Variants in ACCSL observed in about 807,000 individuals in gnomAD.
ACCSL encodes probable inactive 1-aminocyclopropane-1-carboxylate synthase-like protein 2.
In ACCSL, 55 loss-of-function variants were observed where a neutral mutation model predicts 61.7. That is an observed-to-expected ratio of 0.89 (90% confidence interval 0.72 to 1.12). The LOEUF is 1.12. ACCSL is among the 50% of genes most tolerant of loss of function. The pLI, the probability that ACCSL is intolerant of heterozygous loss-of-function variation, is 0.00. For missense variants in ACCSL, 632 were observed against 698.0 expected (o/e 0.91, Z 1.07); for synonymous variants, 258 against 264.3 (o/e 0.98, Z 0.23).
At chr11:44,054,162 C>G (rs1952656654) in intron 8 of ACCSL, among the ~76,000 whole-genome samples, 1 of 152,204 alleles carries the variant, frequency 6.6e-6, no homozygotes, top group Non-Finnish European at 1.5e-5. Flanking sequence ...GAGGAAGACA[C>G]TTTCAGACCT....
chr11:44,043,166 A>G (rs550271223), upstream of ACCSL, among the ~76,000 whole-genome samples: 1 of 152,152 alleles, frequency 6.6e-6, no homozygotes, highest in African/African-American at 2.4e-5. Context: ...AAGTCTGATA[A>G]GATTCATAAG....
the ACCSL span, chr11:43,943,584 G>A: frequency 7.6e-7 from 1 of 1,311,472 alleles, no homozygotes; most frequent in Middle Eastern, 2.1e-4. This position sits in a 1 kb window ranked among gnomAD's most constrained non-coding sequence, Gnocchi z 4.8. Flanking sequence ...GTCGGCGGCG[G>A]GTAGCCACTC....
the ACCSL span, among the ~76,000 whole-genome samples, chr11:44,042,274 G>A: frequency 6.6e-6 from 1 of 152,182 alleles, no homozygotes; most frequent in Non-Finnish European, 1.5e-5. Context: ...CTGTGAGACA[G>A]TCTGGGCCAG....
the ACCSL span, among the ~76,000 whole-genome samples, chr11:44,041,869 T>C: frequency 6.6e-6 from 1 of 152,232 alleles, no homozygotes; most frequent in African/African-American, 2.4e-5. Flanking sequence ...ATAGGTACCA[T>C]TCATTTAAAT....
chr11:43,996,231 C>T, the ACCSL span, among the ~76,000 whole-genome samples: 2 of 152,214 alleles, frequency 1.3e-5, no homozygotes, highest in East Asian at 1.9e-4. Context: ...TCAAGCCCCC[C>T]ACTGGTAGTA....
chr11:44,052,927 A>T (rs1952648761), intron 6 of ACCSL, 64 bp from the exon 7 acceptor site: 2 of 1,544,992 alleles, frequency 1.3e-6, no homozygotes, highest in South Asian at 2.2e-5. Flanking sequence ...TGCGGGGCTT[A>T]TGGGAATGAG....
At chr11:43,955,412 T>G in the ACCSL span, among the ~76,000 whole-genome samples, 1 of 152,218 alleles carries the variant, frequency 6.6e-6, no homozygotes, top group Non-Finnish European at 1.5e-5. Context: ...CAGTGGGATC[T>G]TCCTGACCAC....
At chr11:43,950,222 G>C in the ACCSL span, among the ~76,000 whole-genome samples, 1 of 152,174 alleles carries the variant, frequency 6.6e-6, no homozygotes, top group Non-Finnish European at 1.5e-5. Context: ...ATTGATTGAT[G>C]TCTCATATCT....
intron 5 of ACCSL, among the ~76,000 whole-genome samples, chr11:44,052,313 C>T (rs1302150238): frequency 6.6e-6 from 1 of 152,228 alleles, no homozygotes; most frequent in Non-Finnish European, 1.5e-5. Flanking sequence ...TGGACCTTGA[C>T]CTCTGATATT....
chr11:43,943,545 G>C, the ACCSL span: 4 of 1,321,652 alleles, frequency 3.0e-6, no homozygotes, highest in Non-Finnish European at 4.0e-6. This position sits in a 1 kb window ranked among gnomAD's most constrained non-coding sequence, Gnocchi z 4.8. Context: ...TCTGCTGTGA[G>C]TGTGTGCGGG....
chr11:43,987,409 G>A, the ACCSL span, among the ~76,000 whole-genome samples: 2 of 152,204 alleles, frequency 1.3e-5, no homozygotes, highest in African/African-American at 4.8e-5. Context: ...AGCTTCCGTG[G>A]CCCAGGTGGG....
rs768824368 is a variant in ACCSL, at chr11:44,050,659, C to T, written c.635+37C>T. The T allele has an allele frequency of 1.9e-6, 3 of 1,595,118 alleles. No homozygotes were observed. The South Asian group carries it at 3.3e-5, about 18-fold the overall frequency. On this transcript the variant is annotated intron_variant, in intron 3 of 13. Transcript: ENST00000378832. ...TCAGATTTAGAGTCTCTTGGTCCCACAGGCAGCTGTCCTTATCCAGAAGGA... is the reference window on the plus strand; with the variant it reads ...TCAGATTTAGAGTCTCTTGGTCCCATAGGCAGCTGTCCTTATCCAGAAGGA...
chr11:43,950,162 C>T, the ACCSL span, among the ~76,000 whole-genome samples: 1 of 152,198 alleles, frequency 6.6e-6, no homozygotes, highest in Non-Finnish European at 1.5e-5. Flanking sequence ...GAAGCCCCCA[C>T]CTTCGAGTTG....
chr11:43,985,400 T>G, the ACCSL span, among the ~76,000 whole-genome samples: 1 of 152,182 alleles, frequency 6.6e-6, no homozygotes, highest in East Asian at 1.9e-4. Context: ...TGGGCTGACG[T>G]TCCCAGAAAC....
chr11:43,964,974 C>G, the ACCSL span, among the ~76,000 whole-genome samples: 8 of 152,166 alleles, frequency 5.3e-5, no homozygotes, highest in African/African-American at 1.9e-4. Context: ...ATGAAATACC[C>G]GTAGCTAACA....
chr11:44,056,117 AAGG>A (rs1297361559), intron 10 of ACCSL, 32 bp downstream of exon 10: 22 of 1,614,050 alleles, frequency 1.4e-5, no homozygotes, highest in Non-Finnish European at 1.8e-5. Context: ...TTGGCTAGGG[AAGG>A]AGGAGGAGCC....
the ACCSL span, among the ~76,000 whole-genome samples, chr11:43,966,908 TA>T: frequency 9.8e-5 from 15 of 152,310 alleles, no homozygotes; most frequent in South Asian, 2.9e-3. Flanking sequence ...TATCGAATTT[TA>T]TTGTTTTGTT....
the ACCSL span, among the ~76,000 whole-genome samples, chr11:43,962,605 C>T: frequency 3.5e-4 from 53 of 152,336 alleles, no homozygotes; most frequent in African/African-American, 1.2e-3. Context: ...AAAGATTAGA[C>T]TAAGGGCATT....
the ACCSL span, among the ~76,000 whole-genome samples, chr11:44,005,789 AGAG>A: frequency 6.6e-6 from 1 of 152,138 alleles, no homozygotes; most frequent in East Asian, 1.9e-4. Flanking sequence ...CTCAACAACT[AGAG>A]GAGATGGCGG....
Sources: gnomAD v4.1 joint callset for allele counts (sites outside exome capture counted in the v4.1 genomes callset) on GRCh38, gnomAD v4.1.1 for gene constraint, Gnocchi (gnomAD v3.1) non-coding constraint, MANE v1.5 for transcripts, NCBI Gene and HGNC (gene_info 2026-07-23, HGNC 2026-07-21) for gene names.